The following DDAH1 variants were observed in gnomAD, a reference collection of about 807,000 sequenced individuals.
DDAH1 encodes the protein dimethylarginine dimethylaminohydrolase 1.
A neutral mutation model predicts 28.8 loss-of-function variants in DDAH1; 19 were observed. That is an observed-to-expected ratio of 0.66 (90% CI 0.46 to 0.97). The LOEUF is 0.97. Ranked by LOEUF, DDAH1 falls within the 50% of genes least tolerant of loss-of-function variation. DDAH1 has a pLI of 0.00. For synonymous variants in DDAH1, 153 were observed against 154.4 expected (o/e 0.99, Z 0.07); for missense variants, 326 against 375.9 (o/e 0.87, Z 1.10).
intron 1 of DDAH1, among the ~76,000 whole-genome samples, chr1:85,501,372 A>G (rs1656812938): frequency 6.6e-6 from 1 of 152,166 alleles, no homozygotes. Flanking sequence ...CAGAACATCT[A>G]CATCTCCAGT....
At chr1:85,343,843 T>A (rs1199360890) in intron 4 of DDAH1, among the ~76,000 whole-genome samples, 1 of 152,220 alleles carries the variant, frequency 6.6e-6, no homozygotes, top group Non-Finnish European at 1.5e-5. Context: ...AACATGGACA[T>A]TTTTGGACAT....
intron 4 of DDAH1, among the ~76,000 whole-genome samples, chr1:85,340,435 T>C (rs1173677679): frequency 2.6e-5 from 4 of 152,202 alleles, no homozygotes; most frequent in Non-Finnish European, 4.4e-5. Context: ...TGAAGTCATT[T>C]TGTTCATCAT....
intron 1 of DDAH1, among the ~76,000 whole-genome samples, chr1:85,368,312 G>C (rs936524301): frequency 6.6e-6 from 1 of 152,182 alleles, no homozygotes; most frequent in East Asian, 1.9e-4. Flanking sequence ...CAGAAATGTG[G>C]AAGGCAAACC....
intron 1 of DDAH1, among the ~76,000 whole-genome samples, chr1:85,402,161 ATTTTTTTT>A (rs11365834): frequency 1.4e-4 from 17 of 120,432 alleles, no homozygotes; most frequent in Admixed American, 2.7e-4. Context: ...TAATACTTCT[ATTTTTTTT>A]TTTTTTTTTT....
intron 1 of DDAH1, among the ~76,000 whole-genome samples, chr1:85,562,601 G>A (rs1050250077): frequency 7.2e-5 from 11 of 152,298 alleles, no homozygotes; most frequent in African/African-American, 2.6e-4. Flanking sequence ...TTTGATCACA[G>A]AGACACAGGC....
chr1:85,478,333 T>C (rs1284517863), intron 2 of DDAH1, among the ~76,000 whole-genome samples: 1 of 152,212 alleles, frequency 6.6e-6, no homozygotes, highest in Non-Finnish European at 1.5e-5. Flanking sequence ...TTATCTGTAT[T>C]AGTCTGCTCT....
intron 1 of DDAH1, among the ~76,000 whole-genome samples, chr1:85,547,703 C>A (rs1658669679): frequency 6.6e-6 from 1 of 152,158 alleles, no homozygotes; most frequent in Admixed American, 6.5e-5. Flanking sequence ...TGATTGACAG[C>A]AATTGATTGA....
chr1:85,425,646 T>G (rs1570525232), intron 1 of DDAH1, among the ~76,000 whole-genome samples: 1 of 152,288 alleles, frequency 6.6e-6, no homozygotes, highest in East Asian at 1.9e-4. Flanking sequence ...AATCCGAGGA[T>G]AAGAGAAGTT....
intron 1 of DDAH1, among the ~76,000 whole-genome samples, chr1:85,537,385 T>G (rs1658325701): frequency 6.6e-6 from 1 of 150,712 alleles, no homozygotes; most frequent in Admixed American, 6.6e-5. Context: ...ACAACATGAA[T>G]GAACCTGAAG....
At chr1:85,484,202 A>G (rs1238859335) in intron 2 of DDAH1, among the ~76,000 whole-genome samples, 1 of 152,030 alleles carries the variant, frequency 6.6e-6, no homozygotes, top group African/African-American at 2.4e-5. Flanking sequence ...ACTTAACTGT[A>G]AAACTGCTGA....
chr1:85,430,506 C>T (rs906939364), intron 1 of DDAH1, among the ~76,000 whole-genome samples: 11 of 152,144 alleles, frequency 7.2e-5, no homozygotes, highest in Admixed American at 2.6e-4. Context: ...GCCATTTTGA[C>T]GATATCGATT....
intron 1 of DDAH1, among the ~76,000 whole-genome samples, chr1:85,506,999 G>A (rs1657040837): frequency 6.6e-6 from 1 of 152,090 alleles, no homozygotes; most frequent in Admixed American, 6.5e-5. Context: ...TTTCTAAATT[G>A]TTTAACATGA....
chr1:85,473,634 G>A (rs1039766894), intron 2 of DDAH1, among the ~76,000 whole-genome samples: 5 of 152,032 alleles, frequency 3.3e-5, no homozygotes, highest in African/African-American at 9.7e-5. Flanking sequence ...TGGTATTAAC[G>A]CACAATGGTT....
intron 1 of DDAH1, among the ~76,000 whole-genome samples, chr1:85,382,528 T>C (rs1557555695): frequency 6.6e-6 from 1 of 152,232 alleles, no homozygotes; most frequent in Non-Finnish European, 1.5e-5. Flanking sequence ...ATTCAGAAGA[T>C]CTATTACAGC....
intron 4 of DDAH1, among the ~76,000 whole-genome samples, chr1:85,328,365 A>G (rs1283999325): frequency 6.6e-6 from 1 of 152,234 alleles, no homozygotes; most frequent in East Asian, 1.9e-4. Context: ...CATAAACCCA[A>G]TGGGCAGATT....
intron 1 of DDAH1, among the ~76,000 whole-genome samples, chr1:85,402,655 A>T (rs1220719404): frequency 2.0e-5 from 3 of 152,168 alleles, no homozygotes; most frequent in Non-Finnish European, 4.4e-5. Context: ...TCACGCCTGT[A>T]ATCCCAGCAC....
At chr1:85,410,633 G>A (rs6576767) in intron 1 of DDAH1, among the ~76,000 whole-genome samples, 97,036 of 142,512 alleles carry the variant, frequency 0.68, 32,085 homozygotes, top group African/African-American at 0.74. Context: ...GCGAAGCTCT[G>A]CCTCAAAAAA....
intron 1 of DDAH1, among the ~76,000 whole-genome samples, chr1:85,405,633 T>TA (rs11394406): frequency 0.79 from 116,853 of 148,846 alleles, 45,835 homozygotes; most frequent in Middle Eastern, 0.86. Context: ...AAAAGTGCCC[T>TA]AAAAAAAAAA....
At chr1:85,358,699 G>A (rs1649621624) in intron 2 of DDAH1, 49 bp downstream of exon 2, 2 of 1,275,434 alleles carry the variant, frequency 1.6e-6, no homozygotes, top group South Asian at 1.3e-5. Context: ...GTAAATACAA[G>A]CCAAGTATTA....
Sources: gnomAD v4.1 joint callset for allele counts (sites outside exome capture counted in the v4.1 genomes callset) on GRCh38, gnomAD v4.1.1 for gene constraint, MANE v1.5 for transcripts, NCBI Gene and HGNC (gene_info 2026-07-23, HGNC 2026-07-21) for gene names.